The following COL23A1 variants were observed in gnomAD, a reference collection of about 807,000 sequenced individuals.
COL23A1 encodes collagen alpha-1(XXIII) chain.
COL23A1 carries 97 observed loss-of-function variants against 99.3 expected under a neutral mutation model. The ratio of observed to expected loss-of-function variants is 0.98; its 90% confidence interval spans 0.83 to 1.16. COL23A1 has a LOEUF of 1.16. Ranked by LOEUF, COL23A1 falls within the 50% of genes most tolerant of loss-of-function variation. COL23A1 has a pLI of 0.00. For missense variants in COL23A1, 762 were observed against 757.4 expected (o/e 1.01, Z -0.07); for synonymous variants, 320 against 308.2 (o/e 1.04, Z -0.40).
chr5:178,586,348 G>A (rs1201022636), intron 1 of COL23A1, among the ~76,000 whole-genome samples: 1 of 152,220 alleles, frequency 6.6e-6, no homozygotes, highest in East Asian at 1.9e-4. Flanking sequence ...GGATGACAGA[G>A]CTGGTAAATG....
Position 178,539,545 on chromosome 5 carries a change from CAAAAAAAAAAA to C in COL23A1, c.361+21126_361+21136del, listed in dbSNP as rs58424731. On this transcript the variant is annotated intron_variant, in intron 2 of 28. Coordinates refer to ENST00000390654, the MANE Select transcript of COL23A1 (RefSeq NM_173465.4). ...TGGGTGACAGAGCAAGACTCTGTCT[CAAAAAAAAAAA>C]AAAAAAAAAAAAGAAAAAGAAAGAA... 2.9e-3 allele frequency among the ~76,000 whole-genome samples: 231 copies of C among 78,416 alleles called. 3 individuals carry two copies. Among genetic ancestry groups the C allele is most frequent in the African/African-American group, 0.011 (216 of 19,846 alleles). 51.4% of individuals were successfully genotyped at this position (78,416 alleles called of 152,430 possible).
chr5:178,413,099 C>T (rs1024068248), intron 2 of COL23A1, among the ~76,000 whole-genome samples: 2 of 152,106 alleles, frequency 1.3e-5, no homozygotes, highest in African/African-American at 4.8e-5. Flanking sequence ...AGGAGGATCA[C>T]TTTAGCCCAA....
At chr5:178,274,789 C>A (rs1272635742) in intron 5 of COL23A1, among the ~76,000 whole-genome samples, 1 of 152,236 alleles carries the variant, frequency 6.6e-6, no homozygotes, top group African/African-American at 2.4e-5. Flanking sequence ...TCAGCTTCCT[C>A]ATCTATGGAT....
intron 3 of COL23A1, among the ~76,000 whole-genome samples, chr5:178,297,481 G>A (rs974764186): frequency 6.6e-6 from 1 of 152,190 alleles, no homozygotes; most frequent in East Asian, 1.9e-4. Flanking sequence ...TCAGGCCACT[G>A]CACTCCAGCC....
chr5:178,382,155 T>C (rs562076017), intron 2 of COL23A1, among the ~76,000 whole-genome samples: 1 of 152,116 alleles, frequency 6.6e-6, no homozygotes, highest in Non-Finnish European at 1.5e-5. Flanking sequence ...GTTTCTCAGC[T>C]GAGAGGCCGA....
intron 2 of COL23A1, among the ~76,000 whole-genome samples, chr5:178,432,560 G>A (rs1378250793): frequency 6.6e-6 from 1 of 152,208 alleles, no homozygotes; most frequent in Non-Finnish European, 1.5e-5. Flanking sequence ...ATGGAGCAGA[G>A]CAGGAAAGAA....
chr5:178,548,209 T>A lies in COL23A1; in HGVS notation c.361+12473A>T, dbSNP rs1216058381. Among the ~76,000 whole-genome samples, 4 of 151,466 alleles carry A rather than the reference T, an allele frequency of 2.6e-5. No homozygotes were observed. In the South Asian group the frequency reaches 8.4e-4, roughly 32 times the overall value. On this transcript the variant is annotated intron_variant, in intron 2 of 28. Coordinates refer to ENST00000390654, the MANE Select transcript of COL23A1 (RefSeq NM_173465.4). ...TCACTCCCGGCACCGTGTGTACAGA[T>A]GTAGTCAGAATCACTGTGACAAATG...
chr5:178,284,641 G>T (rs906137702), intron 5 of COL23A1, among the ~76,000 whole-genome samples: 4 of 152,066 alleles, frequency 2.6e-5, no homozygotes, highest in African/African-American at 9.7e-5. Flanking sequence ...GTGAAAAATT[G>T]TCAATATAAA....
intron 2 of COL23A1, among the ~76,000 whole-genome samples, chr5:178,326,539 T>G (rs1759674575): frequency 1.3e-5 from 2 of 152,120 alleles, no homozygotes. Context: ...CGTGAACATG[T>G]GGGCCCTGGC....
chr5:178,407,001 C>T (rs1001139155), intron 2 of COL23A1, among the ~76,000 whole-genome samples: 2 of 152,188 alleles, frequency 1.3e-5, no homozygotes, highest in Non-Finnish European at 2.9e-5. Context: ...AGAAACAGAT[C>T]AGCTAGGCAA....
At chr5:178,300,447 T>C (rs932966001) in intron 3 of COL23A1, among the ~76,000 whole-genome samples, 1 of 152,310 alleles carries the variant, frequency 6.6e-6, no homozygotes, top group East Asian at 1.9e-4. Flanking sequence ...GAATATGCCA[T>C]CCTACTGCCG....
At chr5:178,547,626 ACCCACACCCCCCCACACACACACACCCCC>A (rs1761702949) in intron 2 of COL23A1, among the ~76,000 whole-genome samples, 1 of 2,612 alleles carries the variant, frequency 3.8e-4, no homozygotes, top group African/African-American at 1.4e-3. Flanking sequence ...ACACACACCC[ACCCACACCCCCCCACACACACACACCCCC>A]CATACACACC....
intron 12 of COL23A1, among the ~76,000 whole-genome samples, chr5:178,258,025 T>C (rs1440783425): frequency 2.6e-5 from 4 of 152,078 alleles, no homozygotes; most frequent in Non-Finnish European, 4.4e-5. Flanking sequence ...TGATGGCACC[T>C]GTGAACAGCC....
chr5:178,295,699 G>A (rs544694288), intron 3 of COL23A1, among the ~76,000 whole-genome samples: 30 of 152,366 alleles, frequency 2.0e-4, no homozygotes, highest in Non-Finnish European at 3.2e-4. Context: ...CAGAAGTGTT[G>A]AGATAGTAAA....
chr5:178,322,527 C>T (rs911606319), intron 2 of COL23A1, among the ~76,000 whole-genome samples: 12 of 152,192 alleles, frequency 7.9e-5, no homozygotes, highest in African/African-American at 1.9e-4. Context: ...TGGATTTGCG[C>T]GCTGCTTCTG....
chr5:178,552,704 A>T (rs1400153837), intron 2 of COL23A1, among the ~76,000 whole-genome samples: 2 of 108,886 alleles, frequency 1.8e-5, no homozygotes, highest in Non-Finnish European at 3.4e-5. Flanking sequence ...ACCAAAAAAA[A>T]TTAAAAAAAA....
At chr5:178,262,637 G>C (rs1445455269) in intron 9 of COL23A1, among the ~76,000 whole-genome samples, 5 of 152,258 alleles carry the variant, frequency 3.3e-5, no homozygotes, top group African/African-American at 7.2e-5. Context: ...CTGGCCTCTA[G>C]ACTTTGGAGA....
At chr5:178,444,534 G>C (rs1028595984) in intron 2 of COL23A1, among the ~76,000 whole-genome samples, 1 of 151,964 alleles carries the variant, frequency 6.6e-6, no homozygotes, top group Non-Finnish European at 1.5e-5. Context: ...GTGGCTTACA[G>C]CTGTAATCCC....
intron 8 of COL23A1, among the ~76,000 whole-genome samples, chr5:178,264,990 T>C (rs1287900705): frequency 6.6e-6 from 1 of 152,182 alleles, no homozygotes; most frequent in African/African-American, 2.4e-5. Flanking sequence ...GCCAGTTCAC[T>C]GTTATTGTCC....
Sources: gnomAD v4.1 joint callset for allele counts (sites outside exome capture counted in the v4.1 genomes callset) on GRCh38, gnomAD v4.1.1 for gene constraint, MANE v1.5 for transcripts, NCBI Gene and HGNC (gene_info 2026-07-23, HGNC 2026-07-21) for gene names.